ZNF718: variants seen among roughly 807,000 people sequenced by gnomAD.
The protein encoded by ZNF718 is zinc finger protein 718.
ZNF718 carries 3 observed loss-of-function variants against 2.6 expected under a neutral mutation model. That is an observed-to-expected ratio of 1.16 (90% CI 0.53 to 3.01). The LOEUF (loss-of-function observed/expected upper bound fraction) is 3.01. Among genes scored for constraint, ZNF718 ranks in the 30% most tolerant of loss-of-function variants. The pLI is 0.03. For synonymous variants in ZNF718, 135 were observed against 77.9 expected, an observed-to-expected ratio of 1.73 and a Z score of -3.86; for missense variants, 468 against 230.0, an observed-to-expected ratio of 2.03 and a Z score of -6.69.
At chr4:193,739 C>T (rs1553821601) in intron 3 of ZNF718, among the ~76,000 whole-genome samples, 1 of 152,038 alleles carries the variant, frequency 6.6e-6, no homozygotes, top group African/African-American at 2.4e-5. Context: ...AATGGTCAAG[C>T]ATACCCGGGG....
At chr4:170,914 G>T (rs553071609) in intron 3 of ZNF718, among the ~76,000 whole-genome samples, 68 of 152,312 alleles carry the variant, frequency 4.5e-4, no homozygotes, top group African/African-American at 1.6e-3. Flanking sequence ...TTGGAGGGCA[G>T]AGGCACTCTG....
At chr4:192,335 C>T (rs1165538283) in intron 3 of ZNF718, among the ~76,000 whole-genome samples, 1 of 152,200 alleles carries the variant, frequency 6.6e-6, no homozygotes, top group Non-Finnish European at 1.5e-5. Context: ...TGTCCCTCCC[C>T]CTGTGCTCTC....
At chr4:195,695 A>G (rs1717776752) in intron 3 of ZNF718, among the ~76,000 whole-genome samples, 1 of 152,036 alleles carries the variant, frequency 6.6e-6, no homozygotes, top group South Asian at 2.1e-4. Context: ...AGTTGCCGCT[A>G]CAGATTGAAT....
chr4:182,038 A>T (rs1273044471), intron 3 of ZNF718, among the ~76,000 whole-genome samples: 1 of 152,148 alleles, frequency 6.6e-6, no homozygotes, highest in Non-Finnish European at 1.5e-5. Context: ...GTGTTTATGT[A>T]TCACATTTTC....
At chr4:156,050 A>G (rs1277233954) in intron 3 of ZNF718, among the ~76,000 whole-genome samples, 1 of 152,140 alleles carries the variant, frequency 6.6e-6, no homozygotes, top group East Asian at 1.9e-4. Flanking sequence ...ACCATGTAAG[A>G]TGTGCCTTTC....
chr4:154,735 A>G (rs931961046), intron 3 of ZNF718, among the ~76,000 whole-genome samples: 1 of 152,206 alleles, frequency 6.6e-6, no homozygotes, highest in Non-Finnish European at 1.5e-5. Context: ...CAGAAATTCT[A>G]CAGCCTGATG....
At chr4:176,800 C>G (rs1355315874) in intron 3 of ZNF718, among the ~76,000 whole-genome samples, 1 of 152,226 alleles carries the variant, frequency 6.6e-6, no homozygotes, top group Non-Finnish European at 1.5e-5. Flanking sequence ...GACTCATTCT[C>G]TTATTCAAAC....
chr4:161,263 A>G lies in ZNF718; in HGVS notation c.578A>G (p.His193Arg), dbSNP rs186366086. 3 of 779,926 alleles carry G rather than the reference A, an allele frequency of 3.8e-6. No homozygotes were observed. The highest frequency in any genetic ancestry group is 7.2e-6 in the Non-Finnish European group (3 of 418,858). 48.3% of individuals were successfully genotyped at this position (779,926 alleles called of 1,614,324 possible). A position where few individuals can be genotyped will look rare whatever the true frequency, so the allele number is the denominator to read the frequency against. Residue 193 changes from histidine (H) to arginine (R), a missense_variant, in exon 4 of 4, where the codon CAT (histidine) becomes CGT (arginine). Coordinates refer to ENST00000510175, the MANE Select transcript of ZNF718 (RefSeq NM_001039127.6). The stretch of plus-strand genomic sequence containing the variant: ...CGCCTAACTCAACACAAAAGAATTC[A>G]TACTGGAGAGAACCCCTACACATGT... ...LSRLTQHKRIHTGENPYTCEE... is the reference protein window; with the variant it reads ...LSRLTQHKRIRTGENPYTCEE...
chr4:164,794 T>C, downstream of ZNF718, among the ~76,000 whole-genome samples: 1 of 152,182 alleles, frequency 6.6e-6, no homozygotes, highest in East Asian at 1.9e-4. Flanking sequence ...TTCAAGTAAG[T>C]ACTGGGAACA....
At chr4:138,866 A>G (rs1320128617) in intron 3 of ZNF718, among the ~76,000 whole-genome samples, 1 of 151,988 alleles carries the variant, frequency 6.6e-6, no homozygotes, top group Non-Finnish European at 1.5e-5. Context: ...TGTCATTTTG[A>G]TTTGCATTTC....
chr4:182,027 G>A (rs1207018307), intron 3 of ZNF718, among the ~76,000 whole-genome samples: 2 of 152,026 alleles, frequency 1.3e-5, no homozygotes, highest in African/African-American at 2.4e-5. Flanking sequence ...AGAATTTCAT[G>A]GTGTTTATGT....
rs9686036 is a variant in ZNF718, at chr4:160,916, G to A, written c.231G>A (p.Val77=). The part of the protein sequence containing the change: ...IHETAARPPA[V]CSHFTQNLWT... ...TGTTATTTTTATTTCTTTCAGCTGT[G>A]TGTTCTCATTTCACCCAAAACCTTT... The change falls in exon 4 of 4, where the codon GTG becomes GTA. Residue 77 remains valine, a synonymous_variant. Coordinates refer to ENST00000510175, the MANE Select transcript of ZNF718 (RefSeq NM_001039127.6). The A allele has an allele frequency of 3.7e-3, 2,811 of 756,344 alleles. 60 individuals carry two copies. The African/African-American group carries it at 0.043, about 12-fold the overall frequency. The allele number at this position is 756,344 out of a possible 1,614,324, so 46.9% of individuals were successfully genotyped here.
chr4:142,464 A>G (rs1553810415), intron 3 of ZNF718, among the ~76,000 whole-genome samples: 2 of 152,216 alleles, frequency 1.3e-5, no homozygotes, highest in Non-Finnish European at 1.5e-5. Flanking sequence ...AATCAGTCCA[A>G]AAACAAAACA....
rs918968354 is a variant in ZNF718, at chr4:151,279, G to T, written c.227-9633G>T. The stretch of plus-strand genomic sequence containing the variant: ...TGCCATGCCCAGCTAATTTTTTTTT[G>T]TATTTTAGTAGAGACGGGGTTTCAC... On this transcript the variant is annotated intron_variant, in intron 3 of 3. Transcript: ENST00000510175. 2.0e-5 allele frequency among the ~76,000 whole-genome samples: 3 copies of T among 150,464 alleles called. No homozygotes were observed. In the East Asian group the frequency reaches 6.0e-4, roughly 30 times the overall value.
At chr4:134,176 T>C (rs1274384727) in intron 3 of ZNF718, among the ~76,000 whole-genome samples, 2 of 152,120 alleles carry the variant, frequency 1.3e-5, no homozygotes, top group Non-Finnish European at 2.9e-5. Flanking sequence ...TGAGATGGAG[T>C]CTCGCTGTCA....
intron 3 of ZNF718, among the ~76,000 whole-genome samples, chr4:153,518 T>A (rs748994607): frequency 7.2e-5 from 11 of 152,188 alleles, no homozygotes; most frequent in Non-Finnish European, 1.6e-4. Context: ...ATAGCAACTT[T>A]CATAATAATT....
In ZNF718 at chr4:143,434, C is replaced by T. The variant is rs368637239; in HGVS notation, c.226+11929C>T. Among the ~76,000 whole-genome samples, 16 of 152,270 alleles carry T rather than the reference C, an allele frequency of 1.1e-4. No homozygotes were observed. The South Asian group carries it at 3.3e-3, about 32-fold the overall frequency. ...AACTCCTGACCTTGTGATCCACCTG[C>T]CTTAGCCTCCCAAAGTGCTAGGATT... is the stretch of plus-strand genomic sequence containing the variant. On this transcript the variant is annotated intron_variant, in intron 3 of 3. Transcript: ENST00000510175.
intron 3 of ZNF718, among the ~76,000 whole-genome samples, chr4:148,726 A>G (rs60013494): frequency 0.013 from 1,945 of 151,902 alleles, 50 homozygotes; most frequent in African/African-American, 0.044. Flanking sequence ...CTTCCACACT[A>G]TGACTGATCA....
intron 3 of ZNF718, among the ~76,000 whole-genome samples, chr4:148,001 G>A (rs928569449): frequency 6.6e-6 from 1 of 152,166 alleles, no homozygotes; most frequent in African/African-American, 2.4e-5. Flanking sequence ...GGAAGAGCAG[G>A]GTTGGTCCTT....
Sources: gnomAD v4.1 joint callset for allele counts (sites outside exome capture counted in the v4.1 genomes callset) on GRCh38, gnomAD v4.1.1 for gene constraint, MANE v1.5 for transcripts, NCBI Gene and HGNC (gene_info 2026-07-23, HGNC 2026-07-21) for gene names.